TRIO: variants seen among roughly 807,000 people sequenced by gnomAD.
TRIO encodes the protein trio Rho guanine nucleotide exchange factor.
In TRIO, 58 loss-of-function variants were observed where a neutral mutation model predicts 351.9. The observed-to-expected ratio is 0.16, with a 90% CI of 0.13 to 0.21. The LOEUF (loss-of-function observed/expected upper bound fraction) is 0.21. Ranked by LOEUF, TRIO falls within the 10% of genes least tolerant of loss-of-function variation. TRIO has a pLI of 1.00. For synonymous variants in TRIO, 1,758 were observed against 1,595.7 expected, an observed-to-expected ratio of 1.10 and a Z score of -2.42; for missense variants, 3,201 against 4,027.8, an observed-to-expected ratio of 0.79 and a Z score of 5.56.
chr5:14,377,277 G>A (rs1745646798), intron 19 of TRIO, among the ~76,000 whole-genome samples: 1 of 146,830 alleles, frequency 6.8e-6, no homozygotes, highest in Non-Finnish European at 1.5e-5. Flanking sequence ...ACGGAGTCTT[G>A]CCCTGTCGCC....
intron 1 of TRIO, among the ~76,000 whole-genome samples, chr5:14,146,841 C>CTGAGCGTCCACCCAGGGT (rs1787551054): frequency 6.6e-6 from 1 of 152,218 alleles, no homozygotes. Context: ...TTCTCCTCTG[C>CTGAGCGTCCACCCAGGGT]TGAGCGTCCA....
intron 47 of TRIO, among the ~76,000 whole-genome samples, 155 bp downstream of exon 47, chr5:14,485,401 A>G (rs1755843983): frequency 6.6e-6 from 1 of 152,266 alleles, no homozygotes; most frequent in South Asian, 2.1e-4. Context: ...TCATCTTCAC[A>G]ACCACCCTGT....
At chr5:14,420,571 G>A (rs1193975667) in intron 34 of TRIO, 1 of 153,160 alleles carries the variant, frequency 6.5e-6, no homozygotes, top group Admixed American at 6.5e-5. Context: ...GAAAGGCAGA[G>A]GATTTTCAGA....
chr5:14,506,009 C>G (rs909651046), intron 55 of TRIO, among the ~76,000 whole-genome samples: 1 of 152,040 alleles, frequency 6.6e-6, no homozygotes, highest in South Asian at 2.1e-4. Context: ...GGAGGGTTGT[C>G]GTGGGGCCGA....
intron 1 of TRIO, among the ~76,000 whole-genome samples, chr5:14,182,768 C>T (rs975332216): frequency 1.3e-5 from 2 of 152,030 alleles, no homozygotes; most frequent in Non-Finnish European, 2.9e-5. Context: ...TGAAGTGCTC[C>T]CTAGGTATGA....
rs143247543 is a variant in TRIO at position 14,222,197 on chromosome 5, A to G, written c.158-48628A>G. Among the ~76,000 whole-genome samples, 8 of 151,798 alleles carry G rather than the reference A, an allele frequency of 5.3e-5. No individual in the cohort carries two copies. In the East Asian group the frequency reaches 1.5e-3, roughly 29 times the overall value. ...TTAAATTAAGGTGTGTTCATTTTTA[A>G]AGACAAATACTACCACACATTTAAT... On this transcript the variant is annotated intron_variant, in intron 1 of 56. Transcript: ENST00000344204.
At chr5:14,430,684 GTTTTATTTTATTTTA>G (rs375606260) in intron 34 of TRIO, among the ~76,000 whole-genome samples, 11,115 of 94,320 alleles carry the variant, frequency 0.12, 1,359 homozygotes, top group African/African-American at 0.29. Context: ...AGTGAATTTC[GTTTTATTTTATTTTA>G]TTTTATTTTA....
At chr5:14,217,152 A>G (rs1459176313) in intron 1 of TRIO, among the ~76,000 whole-genome samples, 7 of 152,188 alleles carry the variant, frequency 4.6e-5, no homozygotes, top group Non-Finnish European at 1.0e-4. Context: ...ATTGTTTACT[A>G]AAGGATGTTT....
chr5:14,380,851 ATG>A (rs1746039605), intron 20 of TRIO, among the ~76,000 whole-genome samples: 1 of 152,236 alleles, frequency 6.6e-6, no homozygotes, highest in African/African-American at 2.4e-5. Flanking sequence ...GATAAAGAAA[ATG>A]TGGCACATAT....
At chr5:14,194,222 G>A (rs554878854) in intron 1 of TRIO, among the ~76,000 whole-genome samples, 1 of 152,140 alleles carries the variant, frequency 6.6e-6, no homozygotes, top group Non-Finnish European at 1.5e-5. Context: ...TTTATACATT[G>A]ATCGGATTCA....
chr5:14,438,159 G>A (rs952591196), intron 34 of TRIO, among the ~76,000 whole-genome samples: 1 of 152,196 alleles, frequency 6.6e-6, no homozygotes, highest in African/African-American at 2.4e-5. Context: ...CCAAGTGCCT[G>A]TGACGTTTGT....
Position 14,487,729 on chromosome 5 carries a change from A to G in TRIO, c.7101A>G (p.Ser2367=). The G allele has an allele frequency of 7.0e-7, 1 of 1,433,102 alleles. No homozygotes were observed. The highest frequency in any genetic ancestry group is 1.4e-5 in the South Asian group (1 of 70,998). 88.8% of individuals were successfully genotyped at this position (1,433,102 alleles called of 1,614,324 possible). ...GCCAGGCAGAGGCAGACAAGATGTC[A>G]GGTACGTCCACCCCCGGGCCCTCCC... is the stretch of plus-strand genomic sequence containing the variant. ...ASSQAEADKM[S]GTSTPGPSLP... Residue 2367 remains serine (S), a synonymous_variant, in exon 48 of 57, where the codon TCA becomes TCG. Coordinates refer to ENST00000344204, the MANE Select transcript of TRIO (RefSeq NM_007118.4).
chr5:14,375,730 T>C (rs1176795076), intron 19 of TRIO, among the ~76,000 whole-genome samples: 2 of 152,350 alleles, frequency 1.3e-5, no homozygotes, highest in East Asian at 3.9e-4. Flanking sequence ...TAGCACTGTT[T>C]GCTGCTCACT....
At chr5:14,275,575 C>CTT (rs34438851) in intron 2 of TRIO, among the ~76,000 whole-genome samples, 18 of 149,488 alleles carry the variant, frequency 1.2e-4, no homozygotes, top group East Asian at 3.9e-4. Context: ...TATAGGAAAA[C>CTT]TTTTTTTTTT....
intron 1 of TRIO, among the ~76,000 whole-genome samples, chr5:14,266,531 A>G (rs183928840): frequency 4.7e-4 from 71 of 152,360 alleles, no homozygotes; most frequent in African/African-American, 1.6e-3. Flanking sequence ...TGCAGATTTA[A>G]CATTTATGCT....
chr5:14,324,106 A>G (rs1376855588), intron 9 of TRIO, among the ~76,000 whole-genome samples: 1 of 152,210 alleles, frequency 6.6e-6, no homozygotes, highest in African/African-American at 2.4e-5. Context: ...TAAATAAAAG[A>G]CAGTGACTGA....
At position 14,454,078 on chromosome 5, in the gene TRIO, C is replaced by T. The variant is rs569027193; in HGVS notation, c.5204-6941C>T. ...CCGAGTAGCTGGGACTACAGGCATG[C>T]GACACGATGCCAACTAATTTTTGTA... On this transcript the variant is annotated intron_variant, in intron 34 of 56. Coordinates refer to ENST00000344204, the MANE Select transcript of TRIO (RefSeq NM_007118.4). Among the ~76,000 whole-genome samples the T allele has an allele frequency of 9.2e-5, 14 of 152,092 alleles. No individual in the cohort carries two copies. In the East Asian group the frequency reaches 2.1e-3, roughly 23 times the overall value.
chr5:14,430,795 A>T (rs1448739786), intron 34 of TRIO, among the ~76,000 whole-genome samples: 7 of 151,840 alleles, frequency 4.6e-5, no homozygotes. Context: ...GGCTCACCGC[A>T]ATCTCCGCCT....
chr5:14,312,846 T>C (rs1282632898), intron 8 of TRIO, among the ~76,000 whole-genome samples: 1 of 152,242 alleles, frequency 6.6e-6, no homozygotes, highest in Non-Finnish European at 1.5e-5. Flanking sequence ...TTCTGTACCA[T>C]TTAAAAATTA....
Sources: gnomAD v4.1 joint callset for allele counts (sites outside exome capture counted in the v4.1 genomes callset) on GRCh38, gnomAD v4.1.1 for gene constraint, MANE v1.5 for transcripts, NCBI Gene and HGNC (gene_info 2026-07-23, HGNC 2026-07-21) for gene names.